The following PPP2R2B variants were observed in gnomAD, a reference collection of about 807,000 sequenced individuals.
PPP2R2B encodes serine/threonine-protein phosphatase 2A 55 kDa regulatory subunit B beta isoform.
Under a neutral mutation model 46.0 loss-of-function variants are expected in PPP2R2B, and 5 were observed. That is an observed-to-expected ratio of 0.11 (90% CI 0.06 to 0.23). The LOEUF (loss-of-function observed/expected upper bound fraction) is 0.23. PPP2R2B is among the 10% of genes least tolerant of loss of function. The pLI is 1.00. For missense variants in PPP2R2B, 367 were observed against 575.0 expected, an observed-to-expected ratio of 0.64 and a Z score of 3.70; for synonymous variants, 215 against 206.7, an observed-to-expected ratio of 1.04 and a Z score of -0.34.
At chr5:146,955,279 G>A (rs1450048855) in intron 1 of PPP2R2B, among the ~76,000 whole-genome samples, 3 of 152,118 alleles carry the variant, frequency 2.0e-5, no homozygotes, top group Admixed American at 1.3e-4. Context: ...TCTTTGATGT[G>A]CATATCAATC....
intron 1 of PPP2R2B, among the ~76,000 whole-genome samples, chr5:146,889,769 C>T (rs1008165973): frequency 6.6e-6 from 1 of 152,176 alleles, no homozygotes; most frequent in Non-Finnish European, 1.5e-5. Flanking sequence ...TAGAAACCCT[C>T]TGAATTTGTA....
intron 1 of PPP2R2B, among the ~76,000 whole-genome samples, chr5:147,030,477 T>G (rs1755730192): frequency 6.6e-6 from 1 of 152,144 alleles, no homozygotes; most frequent in Non-Finnish European, 1.5e-5. Context: ...ATTGATAATA[T>G]AATTTTTAAA....
chr5:146,668,717 C>G (rs1179436046), intron 5 of PPP2R2B, among the ~76,000 whole-genome samples: 1 of 152,138 alleles, frequency 6.6e-6, no homozygotes, highest in African/African-American at 2.4e-5. Context: ...GTTTTCTCCC[C>G]ACATGTCCCA....
At chr5:147,018,429 A>C (rs1183717547) in intron 1 of PPP2R2B, among the ~76,000 whole-genome samples, 1 of 152,184 alleles carries the variant, frequency 6.6e-6, no homozygotes, top group Non-Finnish European at 1.5e-5. Flanking sequence ...TCCAGTATTC[A>C]TGCCTTCACC....
At chr5:146,683,400 A>G (rs1778299382) in intron 5 of PPP2R2B, among the ~76,000 whole-genome samples, 1 of 152,314 alleles carries the variant, frequency 6.6e-6, no homozygotes, top group South Asian at 2.1e-4. Flanking sequence ...ACTCAAGTCC[A>G]AGCATTACCA....
At chr5:146,628,748 T>C (rs1337307707) in intron 7 of PPP2R2B, among the ~76,000 whole-genome samples, 1 of 152,216 alleles carries the variant, frequency 6.6e-6, no homozygotes, top group Non-Finnish European at 1.5e-5. Flanking sequence ...TCAGGCAGTG[T>C]GCTAACTGCT....
intron 2 of PPP2R2B, among the ~76,000 whole-genome samples, chr5:146,867,414 A>G (rs559660590): frequency 6.6e-6 from 1 of 152,258 alleles, no homozygotes; most frequent in East Asian, 1.9e-4. Flanking sequence ...ATGGTATGTT[A>G]TTTTTTATGA....
At chr5:146,664,444 T>G (rs545539836) in intron 5 of PPP2R2B, among the ~76,000 whole-genome samples, 1 of 152,220 alleles carries the variant, frequency 6.6e-6, no homozygotes, top group African/African-American at 2.4e-5. Context: ...AAGAAGCAAT[T>G]CCTCATCTGT....
At chr5:146,943,623 A>T (rs1253790808) in intron 1 of PPP2R2B, among the ~76,000 whole-genome samples, 1 of 151,962 alleles carries the variant, frequency 6.6e-6, no homozygotes. Context: ...ACCATCTTTC[A>T]ACTCTTTAGA....
chr5:146,904,008 C>T (rs1762922729), intron 1 of PPP2R2B, among the ~76,000 whole-genome samples: 1 of 152,130 alleles, frequency 6.6e-6, no homozygotes, highest in Non-Finnish European at 1.5e-5. Flanking sequence ...TTTCCTGGCT[C>T]AGAGTAATTA....
intron 2 of PPP2R2B, among the ~76,000 whole-genome samples, chr5:146,772,159 T>C (rs961122760): frequency 6.6e-5 from 10 of 151,992 alleles, no homozygotes; most frequent in African/African-American, 2.4e-4. Flanking sequence ...TGGGCTATCA[T>C]GGAAAGATCT....
At chr5:146,615,700 T>A (rs1182021640) in intron 7 of PPP2R2B, among the ~76,000 whole-genome samples, 2 of 151,470 alleles carry the variant, frequency 1.3e-5, no homozygotes, top group Non-Finnish European at 2.9e-5. Flanking sequence ...AAGTAAAAGG[T>A]CTCTACAATG....
intron 7 of PPP2R2B, among the ~76,000 whole-genome samples, chr5:146,627,595 ACAT>A (rs1237781001): frequency 6.6e-6 from 1 of 152,174 alleles, no homozygotes; most frequent in Non-Finnish European, 1.5e-5. Context: ...TTTTAGAAAA[ACAT>A]CATGCTCTTT....
At chr5:146,718,260 C>T (rs963057683) in intron 2 of PPP2R2B, among the ~76,000 whole-genome samples, 17 of 151,900 alleles carry the variant, frequency 1.1e-4, no homozygotes, top group South Asian at 2.1e-4. Flanking sequence ...TGGTGGCACA[C>T]GCCTATAGTC....
rs866556276 is a variant in PPP2R2B at position 146,812,797 on chromosome 5, A to G, written c.70+65205T>C. On this transcript the variant is annotated intron_variant, in intron 2 of 9. Coordinates refer to ENST00000394411, the MANE Select transcript of PPP2R2B (RefSeq NM_181675.4). ...TGTGTGTGTGTGTATATGTGTGTAT[A>G]TATATATATATATATATATATATAT... 6.8e-4 allele frequency among the ~76,000 whole-genome samples: 29 copies of G among 42,718 alleles called. 4 individuals are homozygous for G. The highest frequency in any genetic ancestry group is 2.1e-3 in the African/African-American group (20 of 9,450). The allele number at this position is 42,718 out of a possible 152,430, so 28.0% of individuals were successfully genotyped here.
rs768691920 is a variant in PPP2R2B at position 146,600,275 on chromosome 5, G to T, written c.960+16C>A. The stretch of plus-strand genomic sequence containing the variant: ...GGGAATGTTCAATATACCTATGGGT[G>T]CCTGGGGTTCTATACCTGGTAAGTC... On this transcript the variant is annotated intron_variant, in intron 8 of 9. Coordinates refer to ENST00000394411, the MANE Select transcript of PPP2R2B (RefSeq NM_181675.4). The T allele has an allele frequency of 2.5e-6, 4 of 1,612,138 alleles. No homozygotes were observed. In the Admixed American group the frequency reaches 5.0e-5, roughly 20 times the overall value.
intron 5 of PPP2R2B, among the ~76,000 whole-genome samples, chr5:146,669,745 T>G (rs1431693131): frequency 6.6e-6 from 1 of 152,146 alleles, no homozygotes; most frequent in African/African-American, 2.4e-5. Context: ...CATACATATT[T>G]TACAGACTTT....
intron 2 of PPP2R2B, among the ~76,000 whole-genome samples, chr5:146,701,894 A>G (rs1454031533): frequency 6.6e-6 from 1 of 152,180 alleles, no homozygotes; most frequent in Non-Finnish European, 1.5e-5. Flanking sequence ...CCAGCCTGCC[A>G]AGTCTTTCTT....
At chr5:146,973,912 C>A (rs1326247890) in intron 1 of PPP2R2B, among the ~76,000 whole-genome samples, 3 of 152,164 alleles carry the variant, frequency 2.0e-5, no homozygotes, top group Non-Finnish European at 4.4e-5. Flanking sequence ...TTTGCAAAGC[C>A]TATAGGGTAA....
Sources: allele counts gnomAD v4.1 joint callset (sites outside exome capture counted in the v4.1 genomes callset), GRCh38; gene constraint gnomAD v4.1.1; transcripts MANE v1.5; gene names NCBI Gene and HGNC (gene_info 2026-07-23, HGNC 2026-07-21).